The following EPHA1 variants were observed in gnomAD, a reference collection of about 807,000 sequenced individuals.
EPHA1 encodes the protein EPH receptor A1, also known as ephrin type-A receptor 1.
Under a neutral mutation model 110.1 loss-of-function variants are expected in EPHA1, and 92 were observed. That is an observed-to-expected ratio of 0.84 (90% CI 0.71 to 0.99). The LOEUF is 0.99. Among genes scored for constraint, EPHA1 ranks in the 50% least tolerant of loss-of-function variants. EPHA1 has a pLI of 0.00. For missense variants in EPHA1, 1,204 were observed against 1,285.4 expected (o/e 0.94, Z 0.97); for synonymous variants, 500 against 516.1 (o/e 0.97, Z 0.42).
Position 143,393,750 on chromosome 7 carries a change from A to C in EPHA1, c.2617T>G (p.Phe873Val). The C allele has an allele frequency of 6.2e-7, 1 of 1,613,794 alleles. No homozygotes were observed. Among genetic ancestry groups the C allele is most frequent in the Non-Finnish European group, 8.5e-7 (1 of 1,179,918 alleles). ...WAYDRARRPH[F>V]QKLQAHLEQL... ...TCCAGATGTGCCTGAAGCTTCTGGA[A>C]GTGTGGCCGGCGGGCACGGTCATAT... The change falls in exon 16 of 18, where the codon TTC becomes GTC. Residue 873 changes from phenylalanine to valine, a missense_variant. Transcript: ENST00000275815. The surrounding 1 kb of genome is among the most constrained non-coding windows in gnomAD (Gnocchi z 5.6).
At chr7:143,397,172 C>T in intron 10 of EPHA1, 132 bp downstream of exon 10, 1 of 1,098,962 alleles carries the variant, frequency 9.1e-7, no homozygotes, top group Non-Finnish European at 1.3e-6. Flanking sequence ...ACAAACCCCA[C>T]ATGTGCCCCC....
chr7:143,396,461 G>A lies in EPHA1; in HGVS notation c.1821C>T (p.Asp607=), dbSNP rs1805253627. 1 of 1,613,920 alleles carries A rather than the reference G, an allele frequency of 6.2e-7. No individual in the cohort carries two copies. The highest frequency in any genetic ancestry group is 1.7e-5 in the Admixed American group (1 of 59,988). The change falls in exon 11 of 18, where the codon GAC becomes GAT. Residue 607 remains aspartate, a synonymous_variant. Transcript: ENST00000275815. ...TAAAGTCCAGGGCTCCCTGTGCAGG[G>A]TCCTCGTATGCCTGGAGGTCCACAT... ...KPYVDLQAYE[D]PAQGALDFTR... is the part of the protein sequence containing the mutation.
intron 14 of EPHA1, 25 bp from the exon 15 acceptor site, chr7:143,394,368 C>T (rs372248507): frequency 3.2e-5 from 52 of 1,605,562 alleles, no homozygotes; most frequent in Admixed American, 2.0e-4. Flanking sequence ...GGGTCAGGGA[C>T]GGAAAGTTAT....
At position 143,398,378 on chromosome 7, in the gene EPHA1, C is replaced by T. The variant is rs1805317860; in HGVS notation, c.1407G>A (p.Gly469=). The change falls in exon 7 of 18, where the codon GGG becomes GGA. Residue 469 remains glycine (G), a synonymous_variant. Coordinates refer to ENST00000275815, the MANE Select transcript of EPHA1 (RefSeq NM_005232.5). ...EPRQLELTWA[G]SRPRSPGANL... ...TCGCCCCAGGGCTTCGGGGCCGGGA[C>T]CCCGCCCAGGTCAGCTCTAGTTGCC... The T allele has an allele frequency of 6.2e-7, 1 of 1,614,036 alleles. No individual in the cohort carries two copies. The highest frequency in any genetic ancestry group is 1.3e-5 in the African/African-American group (1 of 74,928).
At position 143,397,612 on chromosome 7, in the gene EPHA1, C is replaced by T; in HGVS notation, c.1661G>A (p.Gly554Glu). The T allele has an allele frequency of 6.2e-7, 1 of 1,614,102 alleles. No individual in the cohort carries two copies. The highest frequency in any genetic ancestry group is 1.1e-5 in the South Asian group (1 of 91,074). The change falls in exon 9 of 18, where the codon GGG becomes GAG. Residue 554 changes from glycine to glutamate, a missense_variant. Physicochemically the swap from Gly to Glu is moderately conservative, Grantham distance 98 (BLOSUM62 -2). Coordinates refer to ENST00000275815, the MANE Select transcript of EPHA1 (RefSeq NM_005232.5). ...TGGEIVAVIF[G>E]LLLGAALLLG... ...CAGCAAGGCTGCACCAAGCAGCAGC[C>T]CAAAGATGACGGCTACAATCTCTCC...
In EPHA1 at chr7:143,393,924, A is replaced by T. The variant is rs1805165357; in HGVS notation, c.2503-60T>A. On this transcript the variant is annotated intron_variant, in intron 15 of 17. Transcript: ENST00000275815. The surrounding 1 kb of genome is among the most constrained non-coding windows in gnomAD (Gnocchi z 5.6). ...CAAGCTAACCTGGAGGCCCATGAGA[A>T]ACCGACGGTCACACAAGATAATTGC... 6.7e-7 allele frequency: 1 copy of T among 1,493,672 alleles called. No homozygotes were observed. The highest frequency in any genetic ancestry group is 1.4e-5 in the African/African-American group (1 of 71,028). 92.5% of individuals were successfully genotyped at this position (1,493,672 alleles called of 1,614,324 possible).
Position 143,401,062 on chromosome 7 carries a change from T to G in EPHA1, c.432+262A>C. ...GTATGGGCCACCATGCCCAGGTGAT[T>G]TTTAATTTTTTGCAGAGATGAAGTT... On this transcript the variant is annotated intron_variant, in intron 3 of 17. Transcript: ENST00000275815. The surrounding 1 kb of genome is among the most constrained non-coding windows in gnomAD (Gnocchi z 4.1). 2.0e-6 allele frequency: 1 copy of G among 502,628 alleles called. No individual in the cohort carries two copies. Among genetic ancestry groups the G allele is most frequent in the Non-Finnish European group, 3.6e-6 (1 of 280,452 alleles). The allele number at this position is 502,628 out of a possible 1,614,324, so 31.1% of individuals were successfully genotyped here. A position where few individuals can be genotyped will look rare whatever the true frequency, so the allele number is the denominator to read the frequency against.
intron 16 of EPHA1, among the ~76,000 whole-genome samples, 184 bp from the exon 17 acceptor site, chr7:143,391,959 C>T (rs1390962183): frequency 2.0e-5 from 3 of 152,220 alleles, no homozygotes; most frequent in African/African-American, 4.8e-5. Flanking sequence ...GTGCTCACAA[C>T]AGTGGACTGG....
rs774180152 is a variant in EPHA1 at position 143,398,430 on chromosome 7, G to C, written c.1355C>G (p.Ser452Cys). 1.2e-6 allele frequency: 2 copies of C among 1,614,072 alleles called. No individual in the cohort carries two copies. Among genetic ancestry groups the C allele is most frequent in the Non-Finnish European group, 1.7e-6 (2 of 1,180,016 alleles). ...CGGTTCTTTCTTCACCAGTCTCAGA[G>C]ACAGGCCTGACAGTGACTCTGGGGG... The part of the protein sequence containing the change: ...MGHAESLSGL[S>C]LRLVKKEPRQ... Residue 452 changes from serine (S) to cysteine (C), a missense_variant, in exon 7 of 18, where the codon TCT becomes TGT. Physicochemically the swap from Ser to Cys is moderately radical, Grantham distance 112. Transcript: ENST00000275815.
intron 16 of EPHA1, among the ~76,000 whole-genome samples, chr7:143,392,476 A>C (rs1475260468): frequency 6.6e-6 from 1 of 152,198 alleles, no homozygotes; most frequent in African/African-American, 2.4e-5. Flanking sequence ...TTGGATACAG[A>C]GGCCAGTTGG....
chr7:143,402,401 T>C (rs957177179), intron 2 of EPHA1, among the ~76,000 whole-genome samples: 1 of 152,158 alleles, frequency 6.6e-6, no homozygotes, highest in Non-Finnish European at 1.5e-5. Context: ...TGTTTGTTTG[T>C]TTGAGGCAAA....
At chr7:143,408,090 G>T (rs1014469425) in intron 1 of EPHA1, among the ~76,000 whole-genome samples, 7 of 152,176 alleles carry the variant, frequency 4.6e-5, no homozygotes, top group Admixed American at 3.9e-4. Flanking sequence ...CTCAGAAGGG[G>T]TTTCCTGGGT....
intron 16 of EPHA1, among the ~76,000 whole-genome samples, chr7:143,392,843 G>A (rs559953194): frequency 1.4e-4 from 22 of 152,190 alleles, no homozygotes; most frequent in African/African-American, 5.1e-4. Flanking sequence ...TCAGGAGGCC[G>A]AGACAGGAGA....
At chr7:143,405,846 G>T (rs892817027) in intron 2 of EPHA1, among the ~76,000 whole-genome samples, 1 of 152,156 alleles carries the variant, frequency 6.6e-6, no homozygotes, top group Non-Finnish European at 1.5e-5. Flanking sequence ...CAGAGGGAAA[G>T]AAAGCAAGTA....
chr7:143,392,758 A>G (rs1586576844), intron 16 of EPHA1, among the ~76,000 whole-genome samples: 1 of 152,166 alleles, frequency 6.6e-6, no homozygotes, highest in Non-Finnish European at 1.5e-5. Context: ...CTTGGCCAAC[A>G]TGGTGAAACC....
chr7:143,396,476 G>A lies in EPHA1; in HGVS notation c.1806C>T (p.Leu602=), dbSNP rs1304237103. 1.2e-6 allele frequency: 2 copies of A among 1,614,048 alleles called. No individual in the cohort carries two copies. The highest frequency in any genetic ancestry group is 3.3e-5 in the Admixed American group (2 of 60,018). The change falls in exon 11 of 18, where the codon CTC becomes CTT. Residue 602 remains leucine, a synonymous_variant. Transcript: ENST00000275815. ...CCTGTGCAGGGTCCTCGTATGCCTG[G>A]AGGTCCACATAAGGCTTCAGCCACA... ...DKLWLKPYVD[L]QAYEDPAQGA...
rs775980315 is a variant in EPHA1, at chr7:143,397,677, A to G, written c.1616-20T>C. The G allele has an allele frequency of 5.6e-6, 9 of 1,613,658 alleles. No homozygotes were observed. The South Asian group carries it at 9.9e-5, about 18-fold the overall frequency. On this transcript the variant is annotated intron_variant, in intron 8 of 17. Coordinates refer to ENST00000275815, the MANE Select transcript of EPHA1 (RefSeq NM_005232.5). ...TGGACACTGTAGGCACAAAGGGATGAGGAAGTGTTGGGACTCACAGTCCGT... is the reference window on the plus strand; with the variant it reads ...TGGACACTGTAGGCACAAAGGGATGGGGAAGTGTTGGGACTCACAGTCCGT...
In EPHA1 at chr7:143,395,132, C is replaced by A; in HGVS notation, c.2134G>T (p.Ala712Ser). 1 of 1,614,090 alleles carries A rather than the reference C, an allele frequency of 6.2e-7. No individual in the cohort carries two copies. The highest frequency in any genetic ancestry group is 1.1e-5 in the South Asian group (1 of 91,072). The change falls in exon 13 of 18, where the codon GCC becomes TCC. Residue 712 changes from alanine to serine, a missense_variant. By Grantham distance (99) the Ala-to-Ser change is moderately conservative. Coordinates refer to ENST00000275815, the MANE Select transcript of EPHA1 (RefSeq NM_005232.5). The surrounding 1 kb of genome is among the most constrained non-coding windows in gnomAD (Gnocchi z 4.7). ...TCTGCCCTCCTCACCCTCAGGAAGG[C>A]ATCCAGGGCTCCATTCTCCATAAAT... ...TEFMENGALD[A>S]FLREREDQLV...
rs768736371 is a variant in EPHA1, at chr7:143,399,901, C to T, written c.585G>A (p.Val195=). The part of the protein sequence containing the change: ...FHNPGACVAL[V]SVRVFYQRCP... The stretch of plus-strand genomic sequence containing the variant: ...AGCGCTGGTAGAAGACCCGGACAGA[C>T]ACCAGGGCCACACAGGCACCCGGGT... Residue 195 remains valine, a synonymous_variant, in exon 4 of 18, where the codon GTG becomes GTA. Coordinates refer to ENST00000275815, the MANE Select transcript of EPHA1 (RefSeq NM_005232.5). 7 of 1,611,582 alleles carry T rather than the reference C, an allele frequency of 4.3e-6. No homozygotes were observed. The East Asian group carries it at 1.6e-4, about 36-fold the overall frequency.
Sources: gnomAD v4.1 joint callset for allele counts (sites outside exome capture counted in the v4.1 genomes callset) on GRCh38, gnomAD v4.1.1 for gene constraint, Gnocchi (gnomAD v3.1) non-coding constraint, MANE v1.5 for transcripts, NCBI Gene and HGNC (gene_info 2026-07-23, HGNC 2026-07-21) for gene names.